CEP70: variants seen among roughly 807,000 people sequenced by gnomAD.
The protein encoded by CEP70 is centrosomal protein of 70 kDa.
A neutral mutation model predicts 90.9 loss-of-function variants in CEP70; 70 were observed. That is an observed-to-expected ratio of 0.77 (90% CI 0.64 to 0.94). CEP70 has a LOEUF of 0.94. CEP70 is among the 40% of genes least tolerant of loss of function. The pLI is 0.00. For synonymous variants in CEP70, 220 were observed against 228.3 expected, an observed-to-expected ratio of 0.96 and a Z score of 0.33; for missense variants, 648 against 669.0, an observed-to-expected ratio of 0.97 and a Z score of 0.35.
At chr3:138,572,710 G>A (rs2041258971) in intron 3 of CEP70, 149 bp downstream of exon 3, 2 of 666,098 alleles carry the variant, frequency 3.0e-6, no homozygotes, top group African/African-American at 1.8e-5. Flanking sequence ...AAGTCTTAGA[G>A]TAATTAAACC....
At chr3:138,537,578 T>C (rs139510032) in intron 6 of CEP70, among the ~76,000 whole-genome samples, 1 of 152,272 alleles carries the variant, frequency 6.6e-6, no homozygotes, top group African/African-American at 2.4e-5. Flanking sequence ...CAGTTCATAA[T>C]TGCGTGCATT....
intron 6 of CEP70, among the ~76,000 whole-genome samples, chr3:138,560,326 T>C (rs1372121042): frequency 2.0e-5 from 3 of 152,196 alleles, no homozygotes; most frequent in East Asian, 3.8e-4. Flanking sequence ...CAGTGCACTC[T>C]AGCCCAGATA....
chr3:138,580,799 T>C (rs1279266520), intron 2 of CEP70, among the ~76,000 whole-genome samples: 1 of 152,042 alleles, frequency 6.6e-6, no homozygotes. Context: ...CAGGATCCTA[T>C]TAGACAAATT....
chr3:138,496,749 A>T, intron 17 of CEP70: 1 of 985,226 alleles, frequency 1.0e-6, no homozygotes, highest in Non-Finnish European at 1.2e-6. Flanking sequence ...TCCCAATGTT[A>T]ATGTTTAACA....
At chr3:138,565,054 T>C (rs1052133208) in intron 6 of CEP70, among the ~76,000 whole-genome samples, 4 of 151,892 alleles carry the variant, frequency 2.6e-5, no homozygotes, top group South Asian at 2.1e-4. Flanking sequence ...ACACCAATAA[T>C]AGACAAACAG....
At chr3:138,556,527 CAAAAAAAAAAAAA>C (rs57583939) in intron 6 of CEP70, among the ~76,000 whole-genome samples, 1 of 69,608 alleles carries the variant, frequency 1.4e-5, no homozygotes, top group African/African-American at 6.2e-5. Context: ...GACTCTGTCT[CAAAAAAAAAAAAA>C]AAAAAAAAAA....
chr3:138,587,758 AAAG>A (rs1273136075), intron 2 of CEP70, among the ~76,000 whole-genome samples: 7 of 152,202 alleles, frequency 4.6e-5, no homozygotes, highest in African/African-American at 1.7e-4. Flanking sequence ...GCTGGGTGAC[AAAG>A]CAAGACCCTA....
At chr3:138,536,066 T>C (rs961667461) in intron 7 of CEP70, among the ~76,000 whole-genome samples, 11 of 152,144 alleles carry the variant, frequency 7.2e-5, no homozygotes, top group Non-Finnish European at 1.5e-5. Flanking sequence ...TTTATTTTTA[T>C]TGTAAAATAG....
At chr3:138,518,327 T>C (rs149978494) in intron 11 of CEP70, among the ~76,000 whole-genome samples, 1 of 152,174 alleles carries the variant, frequency 6.6e-6, no homozygotes, top group African/African-American at 2.4e-5. Context: ...CAGCTTTGGA[T>C]AGAGTAGTGG....
intron 6 of CEP70, among the ~76,000 whole-genome samples, chr3:138,568,762 C>T (rs564607397): frequency 1.1e-4 from 16 of 152,088 alleles, no homozygotes; most frequent in African/African-American, 3.6e-4. Context: ...GGGTGGATCA[C>T]GAAGTCAGGA....
chr3:138,572,769 T>A (rs2041263218), intron 3 of CEP70, 90 bp downstream of exon 3: 1 of 855,548 alleles, frequency 1.2e-6, no homozygotes, highest in Admixed American at 1.9e-5. Flanking sequence ...TGAGAAAGAA[T>A]CCTTTTAAAG....
intron 6 of CEP70, among the ~76,000 whole-genome samples, chr3:138,546,765 TA>T (rs57157275): frequency 2.7e-5 from 4 of 149,516 alleles, no homozygotes; most frequent in African/African-American, 7.4e-5. Flanking sequence ...AATCAACAAA[TA>T]AAAAAAAACA....
chr3:138,532,348 G>C (rs1314814456), intron 8 of CEP70, among the ~76,000 whole-genome samples, 166 bp downstream of exon 8: 1 of 151,968 alleles, frequency 6.6e-6, no homozygotes, highest in African/African-American at 2.4e-5. Context: ...AATACATCTT[G>C]ACTTAAGTTG....
At chr3:138,568,982 TA>T (rs1302128670) in intron 6 of CEP70, among the ~76,000 whole-genome samples, 2 of 143,394 alleles carry the variant, frequency 1.4e-5, no homozygotes, top group African/African-American at 2.7e-5. Flanking sequence ...AGACTCTGTC[TA>T]AAAAAACAAA....
At chr3:138,557,486 T>C (rs1015745309) in intron 6 of CEP70, among the ~76,000 whole-genome samples, 2 of 152,220 alleles carry the variant, frequency 1.3e-5, no homozygotes, top group African/African-American at 4.8e-5. Context: ...GTTCAGAGAC[T>C]GCAGTAAAGA....
chr3:138,546,765 T>TA (rs57157275), intron 6 of CEP70, among the ~76,000 whole-genome samples: 18,297 of 149,550 alleles, frequency 0.12, 2,281 homozygotes, highest in East Asian at 0.38. Context: ...AATCAACAAA[T>TA]AAAAAAAAAC....
chr3:138,499,519 T>A (rs536518319), intron 16 of CEP70, among the ~76,000 whole-genome samples: 1 of 152,352 alleles, frequency 6.6e-6, no homozygotes, highest in African/African-American at 2.4e-5. Context: ...GAAAACAGGC[T>A]TATGCTGAAG....
intron 13 of CEP70, among the ~76,000 whole-genome samples, chr3:138,502,309 G>C (rs531842442): frequency 2.6e-5 from 4 of 152,136 alleles, no homozygotes; most frequent in Admixed American, 2.0e-4. Flanking sequence ...TGCAGCTAGA[G>C]GCTACCATAC....
chr3:138,536,746 TAA>T (rs1409884326), intron 7 of CEP70, among the ~76,000 whole-genome samples: 1 of 146,076 alleles, frequency 6.8e-6, no homozygotes. Context: ...TCAGCTAGGT[TAA>T]AAAAAAAAAT....
Sources: gnomAD v4.1 joint callset for allele counts (sites outside exome capture counted in the v4.1 genomes callset) on GRCh38, gnomAD v4.1.1 for gene constraint, MANE v1.5 for transcripts, NCBI Gene and HGNC (gene_info 2026-07-23, HGNC 2026-07-21) for gene names.